SYNDIG1: variants seen among roughly 807,000 people sequenced by gnomAD.
SYNDIG1 encodes the protein synapse differentiation-inducing gene protein 1.
SYNDIG1 carries 9 observed loss-of-function variants against 19.4 expected under a neutral mutation model. The observed-to-expected ratio is 0.46, with a 90% CI of 0.28 to 0.81. The LOEUF is 0.81. Among genes scored for constraint, SYNDIG1 ranks in the 30% least tolerant of loss-of-function variants. SYNDIG1 has a pLI of 0.12. For synonymous variants in SYNDIG1, 141 were observed against 145.9 expected (o/e 0.97, Z 0.24); for missense variants, 311 against 343.3 (o/e 0.91, Z 0.74).
chr20:24,564,956 C>T (rs986358688), intron 2 of SYNDIG1, among the ~76,000 whole-genome samples: 4 of 152,118 alleles, frequency 2.6e-5, no homozygotes, highest in South Asian at 2.1e-4. Flanking sequence ...CGGAAGAACA[C>T]GAGACTGTGT....
At chr20:24,541,563 G>T (rs946656970) in intron 1 of SYNDIG1, among the ~76,000 whole-genome samples, 2 of 152,150 alleles carry the variant, frequency 1.3e-5, no homozygotes, top group Non-Finnish European at 2.9e-5. Context: ...ATTTAAGGCG[G>T]CTTCCTCTGC....
intron 2 of SYNDIG1, among the ~76,000 whole-genome samples, chr20:24,575,121 C>A (rs2058207058): frequency 6.6e-6 from 1 of 152,228 alleles, no homozygotes; most frequent in Non-Finnish European, 1.5e-5. Context: ...CTTACAAGGG[C>A]TTTCTTCCCA....
intron 1 of SYNDIG1, among the ~76,000 whole-genome samples, chr20:24,542,647 C>T (rs2057490131): frequency 6.6e-6 from 1 of 152,214 alleles, no homozygotes; most frequent in African/African-American, 2.4e-5. Flanking sequence ...ATCGCCTTTA[C>T]AGATTTGCAG....
chr20:24,469,826 G>T (rs990506516), intron 1 of SYNDIG1, 73 bp downstream of exon 1: 1 of 152,232 alleles, frequency 6.6e-6, no homozygotes, highest in East Asian at 1.9e-4. Context: ...CAGGGGCCGC[G>T]AGCTGGCGGC....
chr20:24,564,530 G>T (rs562306332), intron 2 of SYNDIG1, among the ~76,000 whole-genome samples: 2 of 152,228 alleles, frequency 1.3e-5, no homozygotes, highest in Admixed American at 1.3e-4. Flanking sequence ...TCAGTGTGCT[G>T]TACTGTTAAA....
intron 3 of SYNDIG1, among the ~76,000 whole-genome samples, chr20:24,621,122 G>A (rs1474142034): frequency 6.6e-6 from 1 of 152,192 alleles, no homozygotes; most frequent in African/African-American, 2.4e-5. Flanking sequence ...TAAAAAATAA[G>A]CTAAGTTAGC....
At chr20:24,559,505 G>C (rs1422051597) in intron 2 of SYNDIG1, among the ~76,000 whole-genome samples, 1 of 152,118 alleles carries the variant, frequency 6.6e-6, no homozygotes, top group Admixed American at 6.5e-5. Flanking sequence ...AGGATCACAG[G>C]AGAATAAAAA....
intron 2 of SYNDIG1, among the ~76,000 whole-genome samples, chr20:24,553,546 A>G (rs1600604754): frequency 6.6e-6 from 1 of 152,330 alleles, no homozygotes; most frequent in South Asian, 2.1e-4. Context: ...CAGTTTTCCC[A>G]GCACCAGTTA....
intron 1 of SYNDIG1, among the ~76,000 whole-genome samples, chr20:24,476,497 A>ATT (rs2055630197): frequency 6.6e-6 from 1 of 151,958 alleles, no homozygotes; most frequent in Non-Finnish European, 1.5e-5. Context: ...GTGAAACCCC[A>ATT]TCTCTACCAA....
At chr20:24,646,342 AT>A (rs2059422576) in intron 3 of SYNDIG1, among the ~76,000 whole-genome samples, 1 of 152,150 alleles carries the variant, frequency 6.6e-6, no homozygotes, top group African/African-American at 2.4e-5. Flanking sequence ...TCATGTTAAA[AT>A]TTGATCTCCA....
At chr20:24,594,608 G>A (rs1013662154) in intron 3 of SYNDIG1, among the ~76,000 whole-genome samples, 5 of 152,122 alleles carry the variant, frequency 3.3e-5, no homozygotes, top group Non-Finnish European at 7.4e-5. Flanking sequence ...ATCTGTAAGT[G>A]CTTTAGGCAG....
In SYNDIG1 at chr20:24,551,319, A is replaced by G. The variant is rs151216895; in HGVS notation, c.480+7742A>G. Among the ~76,000 whole-genome samples, 501 of 152,198 alleles carry G rather than the reference A, an allele frequency of 3.3e-3. 2 individuals are homozygous for G. Among genetic ancestry groups the G allele is most frequent in the Non-Finnish European group, 5.8e-3 (393 of 67,996 alleles). On this transcript the variant is annotated intron_variant, in intron 2 of 3. Coordinates refer to ENST00000376862, the MANE Select transcript of SYNDIG1 (RefSeq NM_024893.3). ...CCATTTAAATCCTTTTACTTTCTGT[A>G]TGGTTGGTAATATTTACTCTTTCAT...
intron 3 of SYNDIG1, among the ~76,000 whole-genome samples, chr20:24,634,994 C>T (rs1356800832): frequency 6.6e-6 from 1 of 152,148 alleles, no homozygotes; most frequent in East Asian, 1.9e-4. Context: ...CCTGCAGCTC[C>T]CACACGGCAG....
chr20:24,565,284 A>T (rs2058023923), intron 2 of SYNDIG1, among the ~76,000 whole-genome samples: 1 of 152,248 alleles, frequency 6.6e-6, no homozygotes, highest in Admixed American at 6.5e-5. Flanking sequence ...TGCAAGAAGT[A>T]TCTTTAGAAA....
intron 3 of SYNDIG1, among the ~76,000 whole-genome samples, chr20:24,609,521 GGAT>G (rs1334069249): frequency 6.6e-6 from 1 of 152,214 alleles, no homozygotes; most frequent in Non-Finnish European, 1.5e-5. Flanking sequence ...CAGGAGCAGA[GGAT>G]GATGAGTCCC....
intron 3 of SYNDIG1, among the ~76,000 whole-genome samples, chr20:24,605,237 G>A (rs1431338475): frequency 6.6e-6 from 1 of 152,200 alleles, no homozygotes; most frequent in African/African-American, 2.4e-5. Context: ...TGAGTGACAT[G>A]TAAACGAAGG....
chr20:24,576,161 T>C (rs17250061), intron 2 of SYNDIG1, among the ~76,000 whole-genome samples: 28,143 of 152,222 alleles, frequency 0.18, 3,107 homozygotes, highest in Admixed American at 0.32. Flanking sequence ...GTTTTCCCCA[T>C]TTTCAGGGGC....
chr20:24,639,114 G>A lies in SYNDIG1; in HGVS notation c.619-26232G>A, dbSNP rs901993279. The stretch of plus-strand genomic sequence containing the variant: ...GCCACACACATTATTATAATACAAA[G>A]CACTGTGTGCAGCCTAAAATGTGGA... On this transcript the variant is annotated intron_variant, in intron 3 of 3. Coordinates refer to ENST00000376862, the MANE Select transcript of SYNDIG1 (RefSeq NM_024893.3). Among the ~76,000 whole-genome samples the A allele has an allele frequency of 9.2e-5, 14 of 152,306 alleles. No individual in the cohort carries two copies. In the East Asian group the frequency reaches 2.7e-3, roughly 29 times the overall value.
At chr20:24,550,909 T>C (rs1401164419) in intron 2 of SYNDIG1, among the ~76,000 whole-genome samples, 1 of 152,222 alleles carries the variant, frequency 6.6e-6, no homozygotes, top group African/African-American at 2.4e-5. Flanking sequence ...CTGGATCTTT[T>C]CTAATCCTTG....
Sources: gnomAD v4.1 joint callset for allele counts (sites outside exome capture counted in the v4.1 genomes callset) on GRCh38, gnomAD v4.1.1 for gene constraint, MANE v1.5 for transcripts, NCBI Gene and HGNC (gene_info 2026-07-23, HGNC 2026-07-21) for gene names.